CEP128: variants seen among roughly 807,000 people sequenced by gnomAD.
The protein encoded by CEP128 is centrosomal protein 128kDa.
CEP128 carries 132 observed loss-of-function variants against 156.7 expected under a neutral mutation model. The ratio of observed to expected loss-of-function variants is 0.84; its 90% confidence interval spans 0.73 to 0.97. The LOEUF (loss-of-function observed/expected upper bound fraction) is 0.97. Ranked by LOEUF, CEP128 falls within the 50% of genes least tolerant of loss-of-function variation. The pLI is 0.00. For missense variants in CEP128, 1,252 were observed against 1,281.9 expected, an observed-to-expected ratio of 0.98 and a Z score of 0.36; for synonymous variants, 469 against 448.9, an observed-to-expected ratio of 1.04 and a Z score of -0.57.
chr14:80,810,106 G>A (rs1364536547), intron 13 of CEP128, among the ~76,000 whole-genome samples: 1 of 151,604 alleles, frequency 6.6e-6, no homozygotes, highest in Non-Finnish European at 1.5e-5. Flanking sequence ...GGAGGATCAC[G>A]AGGTCAGGAG....
At chr14:80,619,089 T>A (rs549613999) in intron 19 of CEP128, among the ~76,000 whole-genome samples, 1 of 152,126 alleles carries the variant, frequency 6.6e-6, no homozygotes, top group Non-Finnish European at 1.5e-5. Flanking sequence ...AGTGGTAGCC[T>A]AAGGAATTAA....
At chr14:80,669,863 A>C (rs1566845776) in intron 19 of CEP128, among the ~76,000 whole-genome samples, 1 of 152,164 alleles carries the variant, frequency 6.6e-6, no homozygotes, top group Non-Finnish European at 1.5e-5. Flanking sequence ...TGGATATTTC[A>C]TAAGAAAAGA....
At chr14:80,837,170 C>T (rs1360839586) in intron 11 of CEP128, among the ~76,000 whole-genome samples, 1 of 152,230 alleles carries the variant, frequency 6.6e-6, no homozygotes, top group Non-Finnish European at 1.5e-5. Context: ...GAATGTAATA[C>T]TCCTTCTGAA....
intron 18 of CEP128, 103 bp from the exon 19 acceptor site, chr14:80,743,370 A>G: frequency 9.8e-7 from 1 of 1,015,702 alleles, no homozygotes; most frequent in South Asian, 1.7e-5. Flanking sequence ...ACAAATATAG[A>G]TAATTACCAA....
At chr14:80,576,598 C>T (rs1037635428) in intron 20 of CEP128, among the ~76,000 whole-genome samples, 8 of 151,052 alleles carry the variant, frequency 5.3e-5, no homozygotes, top group Non-Finnish European at 1.0e-4. Flanking sequence ...TCCACTGCTA[C>T]TACCACTCAT....
At chr14:80,801,549 G>A (rs1311692722) in intron 13 of CEP128, among the ~76,000 whole-genome samples, 1 of 152,006 alleles carries the variant, frequency 6.6e-6, no homozygotes, top group Non-Finnish European at 1.5e-5. Context: ...CAAAAAGTGG[G>A]CAAAGGATAT....
At chr14:80,517,999 G>A (rs1279995695) in intron 23 of CEP128, among the ~76,000 whole-genome samples, 1 of 151,862 alleles carries the variant, frequency 6.6e-6, no homozygotes, top group African/African-American at 2.4e-5. Context: ...AGTGGTGGAC[G>A]GTGAGCGAAA....
At chr14:80,847,263 T>A (rs925461081) in intron 9 of CEP128, among the ~76,000 whole-genome samples, 30 of 152,188 alleles carry the variant, frequency 2.0e-4, no homozygotes, top group African/African-American at 5.8e-4. Flanking sequence ...CAGACCTGCA[T>A]GTTTCAAGCT....
At chr14:80,672,935 T>C (rs1358291143) in intron 19 of CEP128, among the ~76,000 whole-genome samples, 2 of 152,218 alleles carry the variant, frequency 1.3e-5, no homozygotes, top group African/African-American at 2.4e-5. Context: ...CCAATCTTTT[T>C]ATAAAAATAA....
At chr14:80,556,165 G>A (rs536562674) in intron 21 of CEP128, among the ~76,000 whole-genome samples, 2 of 152,236 alleles carry the variant, frequency 1.3e-5, no homozygotes, top group East Asian at 3.9e-4. Flanking sequence ...TATTTTGGCT[G>A]AAGGTGGTTC....
At chr14:80,577,219 A>C (rs1309136312) in intron 20 of CEP128, among the ~76,000 whole-genome samples, 1 of 152,080 alleles carries the variant, frequency 6.6e-6, no homozygotes, top group East Asian at 1.9e-4. Flanking sequence ...CCTCATTCTA[A>C]ATACTTCCCC....
At position 80,830,039 on chromosome 14, in the gene CEP128, T is replaced by C. The variant is rs1011561847; in HGVS notation, c.1209+1104A>G. 2.6e-5 allele frequency: 10 copies of C among 386,456 alleles called. No homozygotes were observed. In the Admixed American group the frequency reaches 4.4e-4, roughly 17 times the overall value. 23.9% of individuals were successfully genotyped at this position (386,456 alleles called of 1,614,324 possible). A position where few individuals can be genotyped will look rare whatever the true frequency, so the allele number is the denominator to read the frequency against. On this transcript the variant is annotated intron_variant, in intron 13 of 24. Transcript: ENST00000555265. ...TACCTTTTAGATCTATCCAACATAC[T>C]TTCTTTTTAAATACGTGACTTCAGC...
chr14:80,592,218 G>C (rs1892105194), intron 19 of CEP128, among the ~76,000 whole-genome samples: 1 of 152,156 alleles, frequency 6.6e-6, no homozygotes. Context: ...GAATCCAGGA[G>C]CTGGTTTTTT....
intron 19 of CEP128, among the ~76,000 whole-genome samples, chr14:80,686,283 T>C (rs115791247): frequency 0.074 from 11,313 of 152,130 alleles, 582 homozygotes; most frequent in South Asian, 0.23. Context: ...ATATTCAACA[T>C]TCTTAAAGAA....
chr14:80,600,543 CAG>C (rs1301536856), intron 19 of CEP128, among the ~76,000 whole-genome samples: 3 of 152,102 alleles, frequency 2.0e-5, no homozygotes, highest in African/African-American at 7.2e-5. Flanking sequence ...TTCAAAATCA[CAG>C]AGATATTAAC....
chr14:80,765,268 C>A (rs1220833636), intron 16 of CEP128, among the ~76,000 whole-genome samples: 1 of 152,176 alleles, frequency 6.6e-6, no homozygotes, highest in African/African-American at 2.4e-5. Flanking sequence ...TGAAGTAGCG[C>A]TTTCTCGCAG....
chr14:80,571,080 C>T (rs1338257994), intron 20 of CEP128, among the ~76,000 whole-genome samples: 1 of 152,166 alleles, frequency 6.6e-6, no homozygotes, highest in Non-Finnish European at 1.5e-5. Flanking sequence ...GTCAATACCA[C>T]TGCGGAAACA....
intron 13 of CEP128, among the ~76,000 whole-genome samples, chr14:80,807,538 G>C (rs1704922252): frequency 1.3e-5 from 2 of 152,138 alleles, no homozygotes; most frequent in African/African-American, 4.8e-5. Flanking sequence ...AGCTCAACTG[G>C]GATCAGCTGA....
At chr14:80,924,734 G>T (rs759919) in intron 2 of CEP128, among the ~76,000 whole-genome samples, 55,649 of 150,822 alleles carry the variant, frequency 0.37, 10,524 homozygotes, top group South Asian at 0.52. Context: ...TTTCATGGGG[G>T]TTTTTTTTAA....
Sources: allele counts gnomAD v4.1 joint callset (sites outside exome capture counted in the v4.1 genomes callset), GRCh38; gene constraint gnomAD v4.1.1; transcripts MANE v1.5; gene names NCBI Gene and HGNC (gene_info 2026-07-23, HGNC 2026-07-21).